PPFIA1: variants seen among roughly 807,000 people sequenced by gnomAD.
PPFIA1 encodes liprin-alpha-1.
A neutral mutation model predicts 149.9 loss-of-function variants in PPFIA1; 25 were observed. That is an observed-to-expected ratio of 0.17 (90% CI 0.12 to 0.23). PPFIA1 has a LOEUF of 0.23. Ranked by LOEUF, PPFIA1 falls within the 10% of genes least tolerant of loss-of-function variation. PPFIA1 has a pLI of 1.00. For missense variants in PPFIA1, 1,362 were observed against 1,506.5 expected, an observed-to-expected ratio of 0.90 and a Z score of 1.59; for synonymous variants, 549 against 552.8, an observed-to-expected ratio of 0.99 and a Z score of 0.10.
intron 7 of PPFIA1, among the ~76,000 whole-genome samples, chr11:70,327,981 C>T (rs1253535234): frequency 6.6e-6 from 1 of 152,146 alleles, no homozygotes; most frequent in Non-Finnish European, 1.5e-5. Flanking sequence ...TAGTATGTCA[C>T]CTAAGGTTCT....
intron 2 of PPFIA1, among the ~76,000 whole-genome samples, chr11:70,288,577 C>T (rs566448526): frequency 6.6e-6 from 1 of 152,258 alleles, no homozygotes; most frequent in African/African-American, 2.4e-5. Flanking sequence ...CTGGAAGTTG[C>T]AAAGAGGTGA....
chr11:70,290,521 T>C (rs540812455), intron 2 of PPFIA1, among the ~76,000 whole-genome samples: 1 of 152,348 alleles, frequency 6.6e-6, no homozygotes, highest in South Asian at 2.1e-4. Flanking sequence ...GTTTCCACTT[T>C]GTGGATTTTT....
intron 19 of PPFIA1, 130 bp downstream of exon 19, chr11:70,356,384 C>T (rs1164367246): frequency 1.4e-6 from 1 of 693,996 alleles, no homozygotes; most frequent in African/African-American, 1.8e-5. Context: ...TACCTACAGC[C>T]TTAATTAAGC....
rs1359501044 is a variant in PPFIA1, at chr11:70,343,850, T to C, written c.1889T>C (p.Met630Thr). ...SGQADAHTLA[M>T]MLQEQLDAIN... ...CAGGCCGACGCGCACACACTAGCCATGATGCTTCAGGAGCAGCTGGACGCC... is the reference window on the plus strand; with the variant it reads ...CAGGCCGACGCGCACACACTAGCCACGATGCTTCAGGAGCAGCTGGACGCC... Residue 630 changes from methionine (M) to threonine (T), a missense_variant, in exon 15 of 28, where the codon ATG (methionine) becomes ACG (threonine). This residue lies in a region of PPFIA1 where 733 missense variants were observed against 744.1 expected (regional missense o/e 0.99). Transcript: ENST00000253925. The C allele has an allele frequency of 9.3e-6, 15 of 1,614,034 alleles. No individual in the cohort carries two copies. Among genetic ancestry groups the C allele is most frequent in the Non-Finnish European group, 1.1e-5 (13 of 1,180,050 alleles).
intron 12 of PPFIA1, 68 bp from the exon 13 acceptor site, chr11:70,338,306 C>T: frequency 8.0e-7 from 1 of 1,248,748 alleles, no homozygotes; most frequent in Non-Finnish European, 1.2e-6. Flanking sequence ...CATCTGAGCA[C>T]ATTTGAAGTA....
At chr11:70,280,570 G>A (rs1035026964) in intron 2 of PPFIA1, among the ~76,000 whole-genome samples, 7 of 151,992 alleles carry the variant, frequency 4.6e-5, no homozygotes, top group Non-Finnish European at 1.0e-4. Context: ...ACTCCGTCTC[G>A]GGGAAAAAGA....
chr11:70,330,192 A>T lies in PPFIA1; in HGVS notation c.950A>T (p.Asp317Val). The T allele has an allele frequency of 6.3e-7, 1 of 1,599,744 alleles. No individual in the cohort carries two copies. The highest frequency in any genetic ancestry group is 2.3e-5 in the East Asian group (1 of 44,438). Residue 317 changes from aspartate to valine, a missense_variant, in exon 8 of 28, where the codon GAT becomes GTT. By Grantham distance (152) the Asp-to-Val change is radical (BLOSUM62 -3). Coordinates refer to ENST00000253925, the MANE Select transcript of PPFIA1 (RefSeq NM_003626.5). The stretch of plus-strand genomic sequence containing the variant: ...ATTTAGGCCATGGCCCAAAAGGAAG[A>T]TATGGAAGAGAGAATCACTACTCTT... ...DVREAMAQKE[D>V]MEERITTLEK...
At chr11:70,368,360 T>C (rs1462627458) in intron 21 of PPFIA1, among the ~76,000 whole-genome samples, 1 of 152,204 alleles carries the variant, frequency 6.6e-6, no homozygotes, top group Non-Finnish European at 1.5e-5. Context: ...ATTTGAGTTA[T>C]TGCTTCTAGT....
intron 13 of PPFIA1, among the ~76,000 whole-genome samples, chr11:70,338,928 C>T (rs1248843515): frequency 2.0e-5 from 3 of 152,212 alleles, no homozygotes; most frequent in African/African-American, 4.8e-5. Flanking sequence ...CCTTGTGGCT[C>T]ATCACCTTGG....
intron 11 of PPFIA1, 49 bp downstream of exon 11, chr11:70,335,743 AAG>A: frequency 6.2e-7 from 1 of 1,604,734 alleles, no homozygotes; most frequent in Non-Finnish European, 8.5e-7. Flanking sequence ...CCTCTGCCAA[AAG>A]ATTGCTCATC....
At chr11:70,315,016 C>T (rs1046611045) in intron 2 of PPFIA1, among the ~76,000 whole-genome samples, 17 of 152,140 alleles carry the variant, frequency 1.1e-4, no homozygotes, top group African/African-American at 3.4e-4. Flanking sequence ...CATCAGATCT[C>T]GTGAGACTCA....
intron 2 of PPFIA1, among the ~76,000 whole-genome samples, chr11:70,311,036 G>T (rs990187737): frequency 6.6e-6 from 1 of 152,204 alleles, no homozygotes; most frequent in African/African-American, 2.4e-5. Flanking sequence ...AGACATTCTT[G>T]GAGGATTTTT....
Position 70,332,092 on chromosome 11 carries a change from A to G in PPFIA1, c.1210A>G (p.Lys404Glu). 1 of 1,598,364 alleles carries G rather than the reference A, an allele frequency of 6.3e-7. No homozygotes were observed. The highest frequency in any genetic ancestry group is 8.5e-7 in the Non-Finnish European group (1 of 1,174,188). ...GGCCCAGAGGGTGGCAGCGCTTTCC[A>G]AGGTAGTGCCATGAGCTTCATTCTG... ...ELAQRVAALS[K>E]AEERHGNIEE... is the part of the protein sequence containing the mutation. Residue 404 changes from lysine to glutamate, a missense_variant and splice_region_variant, in exon 9 of 28, where the codon AAG becomes GAG. Transcript: ENST00000253925.
chr11:70,360,793 A>G lies in PPFIA1; in HGVS notation c.2583-1302A>G, dbSNP rs374923479. On this transcript the variant is annotated intron_variant, in intron 19 of 27. Coordinates refer to ENST00000253925, the MANE Select transcript of PPFIA1 (RefSeq NM_003626.5). ...CAAATTTTTAAAAATAAGAGATTCT[A>G]TGGTATATGTCTTATGAAATTATTA... 7.9e-5 allele frequency among the ~76,000 whole-genome samples: 12 copies of G among 152,262 alleles called. No individual in the cohort carries two copies. The East Asian group carries it at 1.7e-3, about 22-fold the overall frequency.
In PPFIA1 at chr11:70,288,996, C is replaced by T. The variant is rs2051342551; in HGVS notation, c.264+16560C>T. Among the ~76,000 whole-genome samples the T allele has an allele frequency of 6.7e-5, 9 of 134,308 alleles. No homozygotes were observed. In the South Asian group the frequency reaches 2.3e-3, roughly 34 times the overall value. The allele number at this position is 134,308 out of a possible 152,430, so 88.1% of individuals were successfully genotyped here. A position where few individuals can be genotyped will look rare whatever the true frequency, so the allele number is the denominator to read the frequency against. ...TTTTTTTTTTTTTTGGGGACGGAGT[C>T]TTGCTCTGTCGCCCAGGCTGGGGTG... On this transcript the variant is annotated intron_variant, in intron 2 of 27. Transcript: ENST00000253925.
At chr11:70,357,356 T>TA (rs2056408928) in intron 19 of PPFIA1, among the ~76,000 whole-genome samples, 1 of 152,222 alleles carries the variant, frequency 6.6e-6, no homozygotes, top group Admixed American at 6.5e-5. Context: ...CCTTTGCCTT[T>TA]AGCCCCTAGA....
chr11:70,333,831 G>T (rs140106726), intron 10 of PPFIA1, among the ~76,000 whole-genome samples: 1 of 152,104 alleles, frequency 6.6e-6, no homozygotes, highest in East Asian at 1.9e-4. Context: ...CTTGTCTAGC[G>T]GCCTATCAGG....
In PPFIA1 at chr11:70,372,344, A is replaced by G. The variant is rs1565461946; in HGVS notation, c.2995A>G (p.Lys999Glu). Residue 999 changes from lysine to glutamate, a missense_variant, in exon 22 of 28, where the codon AAG becomes GAG. Transcript: ENST00000253925. ...VDARMLDHLT[K>E]KDLRGQLKMV... ...CGCCAGGATGCTGGACCACTTGACC[A>G]AGAAAGACCTTCGAGGGCAGCTGAA... 1.2e-6 allele frequency: 2 copies of G among 1,614,228 alleles called. No individual in the cohort carries two copies. The highest frequency in any genetic ancestry group is 8.5e-7 in the Non-Finnish European group (1 of 1,180,040).
Position 70,382,294 on chromosome 11 carries a change from C to T in PPFIA1, c.*12+136C>T, listed in dbSNP as rs2057740948. 3 of 577,098 alleles carry T rather than the reference C, an allele frequency of 5.2e-6. No individual in the cohort carries two copies. The East Asian group carries it at 8.4e-5, about 16-fold the overall frequency. 35.7% of individuals were successfully genotyped at this position (577,098 alleles called of 1,614,324 possible). ...GGGGAATTTAAAATATATATAGACA[C>T]AAGCTCTCCGTACCCATTAAGATCA... On this transcript the variant is annotated intron_variant, in intron 27 of 27. Coordinates refer to ENST00000253925, the MANE Select transcript of PPFIA1 (RefSeq NM_003626.5).
Sources: gnomAD v4.1 joint callset for allele counts (sites outside exome capture counted in the v4.1 genomes callset) on GRCh38, gnomAD v4.1.1 for gene constraint, gnomAD v4.1.1 regional missense constraint, MANE v1.5 for transcripts, NCBI Gene and HGNC (gene_info 2026-07-23, HGNC 2026-07-21) for gene names.